The following HGSNAT variants were observed in gnomAD, a reference collection of about 807,000 sequenced individuals.
HGSNAT encodes the protein transmembrane protein 76.
A neutral mutation model predicts 85.2 loss-of-function variants in HGSNAT; 59 were observed. The observed-to-expected ratio is 0.69, with a 90% CI of 0.56 to 0.86. The LOEUF is 0.86. HGSNAT is among the 40% of genes least tolerant of loss of function. The pLI is 0.00. For synonymous variants in HGSNAT, 321 were observed against 304.5 expected (o/e 1.05, Z -0.56); for missense variants, 756 against 777.1 (o/e 0.97, Z 0.32).
chr8:43,146,334 C>G (rs62517628), intron 1 of HGSNAT, among the ~76,000 whole-genome samples: 1 of 152,150 alleles, frequency 6.6e-6, no homozygotes, highest in African/African-American at 2.4e-5. Context: ...ACGTGCACCC[C>G]GCCCCTGGGC....
At chr8:43,159,574 C>G (rs1803203463) in intron 4 of HGSNAT, among the ~76,000 whole-genome samples, 1 of 151,992 alleles carries the variant, frequency 6.6e-6, no homozygotes, top group Non-Finnish European at 1.5e-5. Flanking sequence ...GGTGATAGAG[C>G]CAGACCTTGT....
At chr8:43,154,652 CAT>C (rs1803033788) in intron 2 of HGSNAT, among the ~76,000 whole-genome samples, 1 of 152,132 alleles carries the variant, frequency 6.6e-6, no homozygotes, top group Non-Finnish European at 1.5e-5. Context: ...CCGCAATAAA[CAT>C]ATGTGTGCAT....
chr8:43,196,755 T>C (rs1480131321), intron 14 of HGSNAT, 193 bp from the exon 15 acceptor site: 5 of 608,234 alleles, frequency 8.2e-6, no homozygotes, highest in African/African-American at 3.7e-5. Flanking sequence ...CGTTCATCTC[T>C]GGTCCCATGC....
At chr8:43,196,698 A>G (rs1259202222) in intron 14 of HGSNAT, 2 of 584,710 alleles carry the variant, frequency 3.4e-6, no homozygotes, top group Non-Finnish European at 6.0e-6. Flanking sequence ...CTCTGGCCTC[A>G]CCTCTGTGGC....
Position 43,192,308 on chromosome 8 carries a change from T to C in HGSNAT, c.1255T>C (p.Tyr419His), listed in dbSNP as rs1220333666. The C allele has an allele frequency of 9.3e-6, 15 of 1,606,810 alleles. No individual in the cohort carries two copies. Among genetic ancestry groups the C allele is most frequent in the Non-Finnish European group, 1.3e-5 (15 of 1,177,070 alleles). ...ATATGCTTTTCACCTTCCTAGTGGT[T>C]ATCTTGGTCCTGGGGGCATTGGAGA... ...LLPVPGCPTGYLGPGGIGDFG... is the reference protein window; with the variant it reads ...LLPVPGCPTGHLGPGGIGDFG... The change falls in exon 13 of 18, where the codon TAT becomes CAT. Residue 419 changes from tyrosine (Y) to histidine (H), a missense_variant. Coordinates refer to ENST00000379644, the MANE Select transcript of HGSNAT (RefSeq NM_152419.3).
intron 11 of HGSNAT, among the ~76,000 whole-genome samples, chr8:43,184,197 T>C (rs1284587566): frequency 6.6e-6 from 1 of 152,270 alleles, no homozygotes; most frequent in Non-Finnish European, 1.5e-5. Flanking sequence ...TCTAGATCCC[T>C]GAGGAATCGC....
intron 7 of HGSNAT, 114 bp downstream of exon 7, chr8:43,170,808 T>C: frequency 1.5e-6 from 1 of 652,928 alleles, no homozygotes. Context: ...CTTTCTAGGC[T>C]AGGAAGGATT....
chr8:43,158,874 C>T, intron 3 of HGSNAT, 49 bp from the exon 4 acceptor site: 1 of 1,571,524 alleles, frequency 6.4e-7, no homozygotes, highest in South Asian at 1.2e-5. Flanking sequence ...AATCCAACTT[C>T]TTATTTTCTA....
rs114457298 is a variant in HGSNAT at position 43,170,105 on chromosome 8, G to A, written c.634-480G>A. Among the ~76,000 whole-genome samples, 949 of 152,282 alleles carry A rather than the reference G, an allele frequency of 6.2e-3. 6 individuals carry two copies. The highest frequency in any genetic ancestry group is 0.02 in the African/African-American group (843 of 41,562). On this transcript the variant is annotated intron_variant, in intron 6 of 17. Coordinates refer to ENST00000379644, the MANE Select transcript of HGSNAT (RefSeq NM_152419.3). The stretch of plus-strand genomic sequence containing the variant: ...CAAAGTGCTGAAATCACAGGTGTGA[G>A]CCACTGTGCCTACAGAAAAACTATT...
intron 10 of HGSNAT, among the ~76,000 whole-genome samples, chr8:43,181,122 GGA>G (rs1290734826): frequency 0.52 from 496 of 950 alleles, 70 homozygotes; most frequent in South Asian, 1. Flanking sequence ...AGAGGGAGAG[GGA>G]GAGGGAGAGG....
rs1383856067 is a variant in HGSNAT at position 43,199,878 on chromosome 8, G to T, written c.*309G>T. On this transcript the variant is annotated 3_prime_UTR_variant, in exon 18 of 18. Transcript: ENST00000379644. ...AACTTTCCAAAAGGGAATTGCCATG[G>T]GTGTTTTTCTTCTGTGGTGAGTGAA... The T allele has an allele frequency of 5.1e-6, 1 of 195,610 alleles. No individual in the cohort carries two copies. Among genetic ancestry groups the T allele is most frequent in the Non-Finnish European group, 1.0e-5 (1 of 96,938 alleles). 12.1% of individuals were successfully genotyped at this position (195,610 alleles called of 1,614,324 possible).
At chr8:43,169,331 T>C in intron 6 of HGSNAT, 89 bp downstream of exon 6, 1 of 851,604 alleles carries the variant, frequency 1.2e-6, no homozygotes, top group South Asian at 1.9e-5. Context: ...TGTCCAGTTT[T>C]ATGTTTATAT....
At position 43,147,080 on chromosome 8, in the gene HGSNAT, A is replaced by G. The variant is rs1177889475; in HGVS notation, c.234+17A>G. 14 of 1,442,144 alleles carry G rather than the reference A, an allele frequency of 9.7e-6. No homozygotes were observed. Among genetic ancestry groups the G allele is most frequent in the African/African-American group, 4.3e-5 (3 of 70,438 alleles). The allele number at this position is 1,442,144 out of a possible 1,614,324, so 89.3% of individuals were successfully genotyped here. On this transcript the variant is annotated intron_variant, in intron 2 of 17. Transcript: ENST00000379644. ...TGTTATCACGTATGTATCAGTTCAC[A>G]CTCAGTTCTGTTTGCTTTGGGGCTT...
At chr8:43,172,159 T>A in intron 7 of HGSNAT, 151 bp from the exon 8 acceptor site, 1 of 697,218 alleles carries the variant, frequency 1.4e-6, no homozygotes, top group Non-Finnish European at 2.6e-6. Context: ...AATCGCTTCT[T>A]GGCCTTGATG....
At chr8:43,171,669 C>T (rs904171559) in intron 7 of HGSNAT, among the ~76,000 whole-genome samples, 16 of 152,144 alleles carry the variant, frequency 1.1e-4, no homozygotes, top group Non-Finnish European at 1.6e-4. Flanking sequence ...GTAGCACATC[C>T]GGAATCTATT....
At chr8:43,165,044 ATTTTTTTTTTTT>A (rs1175997527) in intron 5 of HGSNAT, among the ~76,000 whole-genome samples, 4 of 72,030 alleles carry the variant, frequency 5.6e-5, no homozygotes, top group Non-Finnish European at 5.7e-5. Context: ...CACCATGATA[ATTTTTTTTTTTT>A]TTTTTTTTTT....
In HGSNAT at chr8:43,200,846, G is replaced by T. The variant is rs1804895739; in HGVS notation, c.*1277G>T. On this transcript the variant is annotated 3_prime_UTR_variant, in exon 18 of 18. Transcript: ENST00000379644. ...CCTCGCCACTCCATGGCAGCTTTTG[G>T]TCTGTTTCCGGCTCTGCCCTCTGCC... is the stretch of plus-strand genomic sequence containing the variant. 6.5e-6 allele frequency: 1 copy of T among 152,840 alleles called. No individual in the cohort carries two copies. The highest frequency in any genetic ancestry group is 2.4e-5 in the African/African-American group (1 of 41,468). 9.5% of individuals were successfully genotyped at this position (152,840 alleles called of 1,614,324 possible). A position where few individuals can be genotyped will look rare whatever the true frequency, so the allele number is the denominator to read the frequency against.
chr8:43,140,850 G>A (rs1321589035), intron 1 of HGSNAT, among the ~76,000 whole-genome samples: 1 of 152,144 alleles, frequency 6.6e-6, no homozygotes, highest in Non-Finnish European at 1.5e-5. Flanking sequence ...GACCGCGGCG[G>A]AGTGGAACCT....
intron 2 of HGSNAT, 105 bp from the exon 3 acceptor site, chr8:43,158,470 A>C (rs754083485): frequency 9.4e-5 from 110 of 1,172,436 alleles, no homozygotes; most frequent in Non-Finnish European, 1.3e-4. Context: ...TATAAGTATG[A>C]AGGAAAAGTC....
Sources: allele counts gnomAD v4.1 joint callset (sites outside exome capture counted in the v4.1 genomes callset), GRCh38; gene constraint gnomAD v4.1.1; transcripts MANE v1.5; gene names NCBI Gene and HGNC (gene_info 2026-07-23, HGNC 2026-07-21).